The following STAU2 variants were observed in gnomAD, a reference collection of about 807,000 sequenced individuals.
The protein encoded by STAU2 is staufen double-stranded RNA binding protein 2.
STAU2 carries 20 observed loss-of-function variants against 65.9 expected under a neutral mutation model. That is an observed-to-expected ratio of 0.30 (90% CI 0.21 to 0.44). The LOEUF is 0.44. Ranked by LOEUF, STAU2 falls within the 20% of genes least tolerant of loss-of-function variation. The probability of loss-of-function intolerance (pLI) is 1.00; values close to 1 mark genes in which losing one functional copy is unlikely to be tolerated. For synonymous variants in STAU2, 232 were observed against 233.9 expected (o/e 0.99, Z 0.07); for missense variants, 558 against 683.9 (o/e 0.82, Z 2.05).
intron 13 of STAU2, among the ~76,000 whole-genome samples, chr8:73,523,064 C>T (rs1275612929): frequency 1.3e-5 from 2 of 151,672 alleles, no homozygotes; most frequent in Non-Finnish European, 1.5e-5. Context: ...GGTGTGGTGG[C>T]GTGCACCTGT....
chr8:73,473,035 T>C (rs1223331656), intron 13 of STAU2, among the ~76,000 whole-genome samples: 2 of 152,036 alleles, frequency 1.3e-5, no homozygotes, highest in Admixed American at 1.3e-4. Context: ...CAGAAAAAAA[T>C]ATAACACTCC....
At chr8:73,577,058 TTTC>T (rs1809613252) in intron 12 of STAU2, among the ~76,000 whole-genome samples, 1 of 152,206 alleles carries the variant, frequency 6.6e-6, no homozygotes, top group Non-Finnish European at 1.5e-5. Context: ...TAGAAAACTG[TTTC>T]TTCTTCTTTA....
At chr8:73,507,215 C>T (rs909834685) in intron 13 of STAU2, among the ~76,000 whole-genome samples, 34 of 112,892 alleles carry the variant, frequency 3.0e-4, no homozygotes, top group African/African-American at 1.0e-3. Flanking sequence ...TGTGTAGATC[C>T]ATCAGAGGAA....
intron 6 of STAU2, chr8:73,651,344 C>A: frequency 1.5e-6 from 1 of 683,758 alleles, no homozygotes. Context: ...CATCTTCCAG[C>A]ACCACCAGTA....
At chr8:73,569,487 T>A (rs927652892) in intron 12 of STAU2, among the ~76,000 whole-genome samples, 1 of 151,970 alleles carries the variant, frequency 6.6e-6, no homozygotes, top group African/African-American at 2.4e-5. Flanking sequence ...GAGTCTGAGA[T>A]CTGAGAACAG....
intron 13 of STAU2, among the ~76,000 whole-genome samples, chr8:73,424,310 A>C (rs1437658503): frequency 6.9e-6 from 1 of 145,050 alleles, no homozygotes; most frequent in Non-Finnish European, 1.5e-5. Flanking sequence ...AAGTGATTCT[A>C]CTGCCTCAGC....
chr8:73,740,158 C>T (rs1806742141), intron 1 of STAU2, among the ~76,000 whole-genome samples: 1 of 152,220 alleles, frequency 6.6e-6, no homozygotes, highest in Non-Finnish European at 1.5e-5. Flanking sequence ...GATGTGACTG[C>T]AACCCCAACT....
chr8:73,465,711 T>G (rs1214289947), intron 13 of STAU2, among the ~76,000 whole-genome samples: 1 of 152,264 alleles, frequency 6.6e-6, no homozygotes, highest in African/African-American at 2.4e-5. Context: ...CACTGGCGTG[T>G]GCATATGCAT....
At chr8:73,591,343 A>G (rs957038884) in intron 11 of STAU2, among the ~76,000 whole-genome samples, 4 of 152,164 alleles carry the variant, frequency 2.6e-5, no homozygotes, top group African/African-American at 7.2e-5. Context: ...AAAAAAGGCA[A>G]CTAATAAAAT....
At chr8:73,549,439 G>C (rs974382191) in intron 13 of STAU2, among the ~76,000 whole-genome samples, 3 of 152,108 alleles carry the variant, frequency 2.0e-5, no homozygotes, top group African/African-American at 4.8e-5. Context: ...TCTTAAGTCA[G>C]TTTTATTAAT....
chr8:73,701,060 G>T (rs1011472693), intron 4 of STAU2, among the ~76,000 whole-genome samples: 1 of 152,070 alleles, frequency 6.6e-6, no homozygotes, highest in Admixed American at 6.6e-5. Flanking sequence ...GGGAAAGCTA[G>T]ATATCCATAT....
rs117186306 is a variant in STAU2, at chr8:73,548,394, C to A, written c.1530+3618G>T. Among the ~76,000 whole-genome samples the A allele has an allele frequency of 3.6e-3, 554 of 152,140 alleles. 2 individuals carry two copies. The highest frequency in any genetic ancestry group is 0.012 in the African/African-American group (509 of 41,506). On this transcript the variant is annotated intron_variant, in intron 13 of 14. Transcript: ENST00000524300. ...TCAGGGAGACCAGCCACCACCCCCC[C>A]ACTTCCACCAGCCCCATCCCAATAT...
rs143314522 is a variant in STAU2, at chr8:73,464,843, C to T, written c.1531-42141G>A. On this transcript the variant is annotated intron_variant, in intron 13 of 14. Coordinates refer to ENST00000524300, the MANE Select transcript of STAU2 (RefSeq NM_001164380.2). ...TATATCACCAACCTGCAAATAAAAA[C>T]GATCTCTTTCAGAGTGATTAAAGAT... 5.2e-3 allele frequency among the ~76,000 whole-genome samples: 794 copies of T among 152,186 alleles called. 9 individuals carry two copies. The highest frequency in any genetic ancestry group is 5.1e-3 in the Non-Finnish European group (349 of 68,020).
intron 13 of STAU2, among the ~76,000 whole-genome samples, chr8:73,451,102 AT>A (rs770369925): frequency 2.0e-5 from 3 of 152,126 alleles, no homozygotes; most frequent in Non-Finnish European, 4.4e-5. Flanking sequence ...ATCATGCCAC[AT>A]TTCTCTCCCA....
At chr8:73,599,990 G>A (rs565719072) in intron 10 of STAU2, among the ~76,000 whole-genome samples, 1 of 152,024 alleles carries the variant, frequency 6.6e-6, no homozygotes, top group Non-Finnish European at 1.5e-5. Flanking sequence ...GGATAGTCTC[G>A]ATCTCCTGAC....
At chr8:73,600,177 A>G (rs1413141530) in intron 10 of STAU2, among the ~76,000 whole-genome samples, 2 of 152,228 alleles carry the variant, frequency 1.3e-5, no homozygotes, top group African/African-American at 2.4e-5. Context: ...TGTACAAATG[A>G]TATAAAAAAG....
chr8:73,596,486 ATAG>A (rs1811196298), intron 10 of STAU2, among the ~76,000 whole-genome samples: 1 of 152,348 alleles, frequency 6.6e-6, no homozygotes, highest in East Asian at 1.9e-4. Context: ...ATACACAACT[ATAG>A]TTGAATTTCT....
chr8:73,581,834 A>T (rs1586054104), intron 12 of STAU2, among the ~76,000 whole-genome samples: 1 of 152,330 alleles, frequency 6.6e-6, no homozygotes, highest in Non-Finnish European at 1.5e-5. Context: ...GCATACTTTG[A>T]TAAGAATTTG....
intron 12 of STAU2, among the ~76,000 whole-genome samples, chr8:73,571,025 G>A (rs546355222): frequency 1.2e-4 from 19 of 152,210 alleles, no homozygotes; most frequent in Non-Finnish European, 1.6e-4. Flanking sequence ...GACACACATA[G>A]GCTCAAAATA....
Sources: allele counts gnomAD v4.1 joint callset (sites outside exome capture counted in the v4.1 genomes callset), GRCh38; gene constraint gnomAD v4.1.1; transcripts MANE v1.5; gene names NCBI Gene and HGNC (gene_info 2026-07-23, HGNC 2026-07-21).